PAX5: variants seen among roughly 807,000 people sequenced by gnomAD.
The protein encoded by PAX5 is paired box 5.
In PAX5, 9 loss-of-function variants were observed where a neutral mutation model predicts 43.7. That is an observed-to-expected ratio of 0.21 (90% CI 0.12 to 0.36). The LOEUF is 0.36. Among genes scored for constraint, PAX5 ranks in the 10% least tolerant of loss-of-function variants. PAX5 has a pLI of 1.00. For synonymous variants in PAX5, 228 were observed against 214.3 expected (o/e 1.06, Z -0.56); for missense variants, 383 against 532.7 (o/e 0.72, Z 2.77).
intron 5 of PAX5, among the ~76,000 whole-genome samples, chr9:36,970,610 G>A (rs923212270): frequency 6.6e-6 from 1 of 152,184 alleles, no homozygotes; most frequent in Non-Finnish European, 1.5e-5. Flanking sequence ...CTAGGGGCCA[G>A]GGGAGGTAGG....
chr9:36,962,239 C>T (rs1426364841), intron 6 of PAX5, among the ~76,000 whole-genome samples: 3 of 152,126 alleles, frequency 2.0e-5, no homozygotes, highest in African/African-American at 4.8e-5. Flanking sequence ...GACAGGCAGA[C>T]TCTGACTGAA....
At chr9:37,003,567 G>C (rs1031986494) in intron 4 of PAX5, among the ~76,000 whole-genome samples, 1 of 152,166 alleles carries the variant, frequency 6.6e-6, no homozygotes, top group Non-Finnish European at 1.5e-5. Flanking sequence ...GCCTGGTGCC[G>C]GGGCTCACGC....
chr9:36,896,266 C>G (rs984225096), intron 7 of PAX5, among the ~76,000 whole-genome samples: 1 of 152,076 alleles, frequency 6.6e-6, no homozygotes, highest in African/African-American at 2.4e-5. Context: ...AGTGCCTCAG[C>G]TGGTCCAGGG....
chr9:36,898,859 C>T (rs1280364656), intron 7 of PAX5, among the ~76,000 whole-genome samples: 2 of 152,106 alleles, frequency 1.3e-5, no homozygotes, highest in African/African-American at 4.8e-5. Context: ...CCACTAACAC[C>T]CCTGGGGCAG....
intron 5 of PAX5, among the ~76,000 whole-genome samples, chr9:36,976,394 G>A (rs142893886): frequency 2.6e-5 from 4 of 152,112 alleles, no homozygotes; most frequent in African/African-American, 4.8e-5. Context: ...GAGAAGGGAC[G>A]ATCAGAGCCA....
intron 7 of PAX5, chr9:36,893,593 C>G (rs990766745): frequency 1.9e-5 from 3 of 154,342 alleles, no homozygotes; most frequent in Admixed American, 6.5e-5. Context: ...CAGCCCCCAG[C>G]AGATTAAAAA....
At chr9:37,023,892 A>C (rs1840067177) in intron 1 of PAX5, among the ~76,000 whole-genome samples, 1 of 152,214 alleles carries the variant, frequency 6.6e-6, no homozygotes, top group South Asian at 2.1e-4. Flanking sequence ...AGAGTCAGGC[A>C]GTAGACATAT....
chr9:36,968,826 C>T (rs1019732366), intron 5 of PAX5, among the ~76,000 whole-genome samples: 1 of 152,214 alleles, frequency 6.6e-6, no homozygotes, highest in African/African-American at 2.4e-5. Flanking sequence ...GGTATGGGAG[C>T]TCACGGCCCA....
At chr9:36,950,129 C>T (rs1443486142) in intron 6 of PAX5, among the ~76,000 whole-genome samples, 3 of 152,172 alleles carry the variant, frequency 2.0e-5, no homozygotes, top group Non-Finnish European at 2.9e-5. Context: ...CCTGATGAGC[C>T]GGCTCTTGCC....
chr9:36,867,395 A>C (rs1825002739), intron 8 of PAX5, among the ~76,000 whole-genome samples: 1 of 152,180 alleles, frequency 6.6e-6, no homozygotes, highest in Non-Finnish European at 1.5e-5. Context: ...AAATTGGCAA[A>C]ATCCTTCCCT....
intron 5 of PAX5, among the ~76,000 whole-genome samples, chr9:36,978,444 T>C (rs1330631798): frequency 1.3e-5 from 2 of 152,200 alleles, no homozygotes; most frequent in African/African-American, 4.8e-5. Context: ...AAGGGATGCA[T>C]ACATCCCTTT....
At chr9:36,885,462 A>G (rs987545179) in intron 7 of PAX5, among the ~76,000 whole-genome samples, 2 of 152,174 alleles carry the variant, frequency 1.3e-5, no homozygotes, top group African/African-American at 4.8e-5. Flanking sequence ...ACGGAGAGTA[A>G]ACTGTGAGTG....
Position 36,835,370 on chromosome 9 carries a change from T to G in PAX5, c.*5190A>C, listed in dbSNP as rs1433349263. 4.3e-6 allele frequency: 1 copy of G among 232,158 alleles called. No individual in the cohort carries two copies. Among genetic ancestry groups the G allele is most frequent in the Non-Finnish European group, 8.5e-6 (1 of 117,462 alleles). The allele number at this position is 232,158 out of a possible 1,614,324, so 14.4% of individuals were successfully genotyped here. ...TGCCTGCTCCTGGCCGGCAGCTCAT[T>G]TCAGAGAAGCTGTTGCCTCATCAGG... On this transcript the variant is annotated 3_prime_UTR_variant, in exon 10 of 10. Coordinates refer to ENST00000358127, the MANE Select transcript of PAX5 (RefSeq NM_016734.3).
intron 6 of PAX5, among the ~76,000 whole-genome samples, chr9:36,950,476 C>A (rs1832902386): frequency 1.3e-5 from 2 of 152,186 alleles, no homozygotes; most frequent in African/African-American, 4.8e-5. Flanking sequence ...CACTTGAAAC[C>A]CCTCCTCAGT....
intron 5 of PAX5, among the ~76,000 whole-genome samples, chr9:36,976,906 G>A (rs1044449384): frequency 1.4e-4 from 22 of 152,136 alleles, no homozygotes; most frequent in Admixed American, 1.4e-3. Context: ...GATTCAAGGT[G>A]AGCTTGGACA....
chr9:36,913,983 C>A (rs971059283), intron 7 of PAX5, among the ~76,000 whole-genome samples: 1 of 152,194 alleles, frequency 6.6e-6, no homozygotes, highest in Non-Finnish European at 1.5e-5. Context: ...CCCCACCCCC[C>A]AACAGCTCCT....
chr9:36,976,511 C>T (rs960773639), intron 5 of PAX5, among the ~76,000 whole-genome samples: 1 of 152,160 alleles, frequency 6.6e-6, no homozygotes, highest in Non-Finnish European at 1.5e-5. Flanking sequence ...AGGCCCCATG[C>T]TAGGGATGAG....
intron 6 of PAX5, among the ~76,000 whole-genome samples, chr9:36,926,220 T>C (rs1275903719): frequency 6.6e-6 from 1 of 152,188 alleles, no homozygotes; most frequent in Non-Finnish European, 1.5e-5. Context: ...ATGACCCTAA[T>C]GATCTTTATA....
At position 36,882,094 on chromosome 9, in the gene PAX5, C is replaced by T. The variant is rs1272553367; in HGVS notation, c.922G>A (p.Ala308Thr). ...SYPIVTGRDL[A>T]STTLPGYPPH... ...GGGTACCCGGGGAGGGTCGTGCTCGCCAAGTCACGGCCTGAGGAATCAAAG... is the reference window on the plus strand; with the variant it reads ...GGGTACCCGGGGAGGGTCGTGCTCGTCAAGTCACGGCCTGAGGAATCAAAG... Residue 308 changes from alanine to threonine, a missense_variant, in exon 8 of 10, where the codon GCG becomes ACG. Physicochemically the swap from Ala to Thr is moderately conservative, Grantham distance 58. Around this residue, in one of 5 missense-constraint regions of PAX5, gnomAD observed 291 missense variants for 342.5 expected, o/e 0.85. Transcript: ENST00000358127. The surrounding 1 kb of genome is among the most constrained non-coding windows in gnomAD (Gnocchi z 4.4). 5.6e-6 allele frequency: 9 copies of T among 1,595,480 alleles called. No individual in the cohort carries two copies. The highest frequency in any genetic ancestry group is 5.2e-5 in the Admixed American group (3 of 58,030).
Sources: gnomAD v4.1 joint callset for allele counts (sites outside exome capture counted in the v4.1 genomes callset) on GRCh38, gnomAD v4.1.1 for gene constraint, gnomAD v4.1.1 regional missense constraint, Gnocchi (gnomAD v3.1) non-coding constraint, MANE v1.5 for transcripts, NCBI Gene and HGNC (gene_info 2026-07-23, HGNC 2026-07-21) for gene names.